The following DONSON variants were observed in gnomAD, a reference collection of about 807,000 sequenced individuals.
The protein encoded by DONSON is protein downstream neighbor of Son.
DONSON carries 43 observed loss-of-function variants against 62.1 expected under a neutral mutation model. The observed-to-expected ratio is 0.69, with a 90% CI of 0.54 to 0.89. The LOEUF is 0.89. DONSON is among the 40% of genes least tolerant of loss of function. The probability of loss-of-function intolerance (pLI) is 0.00; values close to 1 mark genes in which losing one functional copy is unlikely to be tolerated. For synonymous variants in DONSON, 266 were observed against 264.6 expected, an observed-to-expected ratio of 1.01 and a Z score of -0.05; for missense variants, 696 against 697.5, an observed-to-expected ratio of 1.00 and a Z score of 0.03.
At chr21:33,579,711 T>G (rs532440581) in intron 8 of DONSON, 149 bp from the exon 9 acceptor site, 2 of 619,728 alleles carry the variant, frequency 3.2e-6, no homozygotes. Context: ...TAAACAATGT[T>G]ATGTGAGTAC....
rs1569073813 is a variant in DONSON, at chr21:33,578,416, CAGTT to C, written c.1588_1591del (p.Asn530ValfsTer27). Reference sequence around the variant, plus strand: ...CTCCAGAGTGTTAGGGTGCAAACCACAGTTAGTAAGCTCCTTATGAACAACCTCC... The same window carrying C: ...CTCCAGAGTGTTAGGGTGCAAACCACAGTAAGCTCCTTATGAACAACCTCC... On this transcript the variant is annotated frameshift_variant, in exon 10 of 10. Coordinates refer to ENST00000303071, the MANE Select transcript of DONSON (RefSeq NM_017613.4). LOFTEE classifies it high-confidence loss of function. 6 of 1,613,720 alleles carry C rather than the reference CAGTT, an allele frequency of 3.7e-6. No homozygotes were observed. The highest frequency in any genetic ancestry group is 2.2e-5 in the East Asian group (1 of 44,828).
intron 9 of DONSON, among the ~76,000 whole-genome samples, chr21:33,579,131 C>T (rs1419985601): frequency 6.7e-6 from 1 of 148,914 alleles, no homozygotes; most frequent in East Asian, 1.9e-4. Context: ...AGCAAGACTC[C>T]ATCTCAAAAA....
chr21:33,587,482 T>C (rs2086590910), intron 2 of DONSON, 40 bp downstream of exon 2: 3 of 1,529,218 alleles, frequency 2.0e-6, no homozygotes, highest in Admixed American at 2.3e-5. Context: ...AAAAAAAGTT[T>C]ATACAAATAC....
At chr21:33,583,422 T>A in intron 5 of DONSON, 66 bp downstream of exon 5, 2 of 1,275,308 alleles carry the variant, frequency 1.6e-6, no homozygotes, top group Non-Finnish European at 2.1e-6. Flanking sequence ...TAAATTTAAA[T>A]AGCTTTTAGG....
In DONSON at chr21:33,584,788, G is replaced by A. The variant is rs771444589; in HGVS notation, c.607-20C>T. ...GGGATCCTAAAATCCAAAGGTGACAGTGGGCAGTTTTTGCCCATTGAGAAA... is the reference window on the plus strand; with the variant it reads ...GGGATCCTAAAATCCAAAGGTGACAATGGGCAGTTTTTGCCCATTGAGAAA... On this transcript the variant is annotated intron_variant, in intron 3 of 9. Transcript: ENST00000303071. The A allele has an allele frequency of 1.4e-6, 2 of 1,474,056 alleles. No homozygotes were observed. The highest frequency in any genetic ancestry group is 1.8e-6 in the Non-Finnish European group (2 of 1,100,760). The allele number at this position is 1,474,056 out of a possible 1,614,324, so 91.3% of individuals were successfully genotyped here.
In DONSON at chr21:33,586,128, C is replaced by T. The variant is rs544457425; in HGVS notation, c.456G>A (p.Glu152=). The change falls in exon 3 of 10, where the codon GAG becomes GAA. Residue 152 remains glutamate, a synonymous_variant. Transcript: ENST00000303071. The stretch of plus-strand genomic sequence containing the variant: ...TTTTAATACTCCAGTCCACAGGTAA[C>T]TCAGTACTTTTTGAGGACGGAATAT... ...EPDIPSSKST[E]LPVDWSIKTR... The T allele has an allele frequency of 6.2e-7, 1 of 1,614,108 alleles. No individual in the cohort carries two copies. Among genetic ancestry groups the T allele is most frequent in the Admixed American group, 1.7e-5 (1 of 60,008 alleles).
Position 33,581,052 on chromosome 21 carries a change from C to T in DONSON, c.1350+250G>A, listed in dbSNP as rs1459954042. The T allele has an allele frequency of 3.5e-5, 12 of 345,316 alleles. No individual in the cohort carries two copies. In the South Asian group the frequency reaches 4.2e-4, roughly 12 times the overall value. 21.4% of individuals were successfully genotyped at this position (345,316 alleles called of 1,614,324 possible). A position where few individuals can be genotyped will look rare whatever the true frequency, so the allele number is the denominator to read the frequency against. ...TGAGATCACGCCACTGCACTCCATT[C>T]AGCCTGGATAGCAGCGCAAGACTCC... On this transcript the variant is annotated intron_variant, in intron 8 of 9. Transcript: ENST00000303071.
At chr21:33,582,092 A>T (rs766283641) in intron 6 of DONSON, 37 bp from the exon 7 acceptor site, 1 of 1,612,450 alleles carries the variant, frequency 6.2e-7, no homozygotes, top group Non-Finnish European at 8.5e-7. Flanking sequence ...CTATTTCACA[A>T]GCTGTTCCTG....
intron 8 of DONSON, chr21:33,581,035 C>T (rs879906894): frequency 1.4e-4 from 42 of 292,462 alleles, no homozygotes; most frequent in African/African-American, 7.3e-4. Flanking sequence ...GTTGAGATCA[C>T]GCCACTGCAC....
At chr21:33,583,209 A>AAAAAAAAAAAAAAAAAC (rs2086536089) in intron 5 of DONSON, among the ~76,000 whole-genome samples, 1 of 87,578 alleles carries the variant, frequency 1.1e-5, no homozygotes, top group Non-Finnish European at 2.8e-5. Context: ...TCAAAAAAAA[A>AAAAAAAAAAAAAAAAAC]AAAAAAAAAA....
chr21:33,585,387 A>AT (rs773327167), intron 3 of DONSON, among the ~76,000 whole-genome samples: 66,341 of 109,816 alleles, frequency 0.6, 21,711 homozygotes, highest in East Asian at 0.72. Flanking sequence ...TGCTCAGCTA[A>AT]TTTTTTTTTT....
intron 7 of DONSON, 70 bp downstream of exon 7, chr21:33,581,881 C>T (rs1312188795): frequency 2.0e-5 from 27 of 1,349,428 alleles, no homozygotes; most frequent in Non-Finnish European, 2.7e-5. Context: ...TATAAAACTG[C>T]CAATGTTAAA....
rs1005193067 is a variant in DONSON at position 33,577,797 on chromosome 21, A to T, written c.*510T>A. On this transcript the variant is annotated 3_prime_UTR_variant, in exon 10 of 10. Coordinates refer to ENST00000303071, the MANE Select transcript of DONSON (RefSeq NM_017613.4). ...TATGTGGAATACAAAATGCCTTTTT[A>T]TCTGAATTAACATGCATTTAAAAAG... The T allele has an allele frequency of 6.5e-6, 1 of 152,916 alleles. No individual in the cohort carries two copies. Among genetic ancestry groups the T allele is most frequent in the Non-Finnish European group, 1.5e-5 (1 of 68,596 alleles). 9.5% of individuals were successfully genotyped at this position (152,916 alleles called of 1,614,324 possible).
intron 4 of DONSON, 85 bp from the exon 5 acceptor site, chr21:33,583,751 G>C: frequency 1.9e-6 from 2 of 1,071,308 alleles, no homozygotes; most frequent in South Asian, 3.6e-5. Flanking sequence ...TTGATACCTG[G>C]TTTAAAACAC....
rs1418566886 is a variant in DONSON at position 33,580,651 on chromosome 21, C to G, written c.1350+651G>C. Among the ~76,000 whole-genome samples the G allele has an allele frequency of 2.0e-5, 3 of 150,858 alleles. No homozygotes were observed. The South Asian group carries it at 6.3e-4, about 32-fold the overall frequency. ...CAACCAAAAAAAGAAAATAAATGTT[C>G]GTATAATTTAAAAAGAGGCCAGGAG... On this transcript the variant is annotated intron_variant, in intron 8 of 9. Transcript: ENST00000303071.
At chr21:33,583,138 T>C (rs1039706764) in intron 5 of DONSON, among the ~76,000 whole-genome samples, 3 of 144,666 alleles carry the variant, frequency 2.1e-5, no homozygotes, top group Non-Finnish European at 4.5e-5. Flanking sequence ...GAGGCGGAGC[T>C]TGCAGTGAGC....
intron 2 of DONSON, among the ~76,000 whole-genome samples, chr21:33,586,614 A>T (rs1480119717): frequency 6.6e-6 from 1 of 152,080 alleles, no homozygotes; most frequent in Non-Finnish European, 1.5e-5. Context: ...CTTCAGGTCG[A>T]CGTTCTCCAC....
chr21:33,585,745 T>TAA (rs2086570294), intron 3 of DONSON, among the ~76,000 whole-genome samples: 1 of 151,974 alleles, frequency 6.6e-6, no homozygotes, highest in African/African-American at 2.4e-5. Flanking sequence ...CAACACTGAT[T>TAA]AATTTGCAAG....
intron 1 of DONSON, 133 bp downstream of exon 1, chr21:33,588,188 A>T: frequency 1.3e-6 from 1 of 741,796 alleles, no homozygotes; most frequent in Non-Finnish European, 1.8e-6. Flanking sequence ...GGGGTACCCT[A>T]AGGCCACGGG....
Sources: allele counts gnomAD v4.1 joint callset (sites outside exome capture counted in the v4.1 genomes callset), GRCh38; gene constraint gnomAD v4.1.1; transcripts MANE v1.5; gene names NCBI Gene and HGNC (gene_info 2026-07-23, HGNC 2026-07-21).